The following RUFY4 variants were observed in gnomAD, a reference collection of about 807,000 sequenced individuals.
The protein encoded by RUFY4 is RUN and FYVE domain containing 4.
Under a neutral mutation model 69.0 loss-of-function variants are expected in RUFY4, and 73 were observed. The ratio of observed to expected loss-of-function variants is 1.06; its 90% CI spans 0.88 to 1.29. The LOEUF (loss-of-function observed/expected upper bound fraction) is 1.29. Ranked by LOEUF, RUFY4 falls within the 50% of genes most tolerant of loss-of-function variation. The pLI is 0.00. For missense variants in RUFY4, 770 were observed against 705.6 expected (o/e 1.09, Z -1.03); for synonymous variants, 287 against 271.8 (o/e 1.06, Z -0.55).
At chr2:218,076,696 C>G (rs1689641092) in intron 8 of RUFY4, among the ~76,000 whole-genome samples, 163 bp downstream of exon 10, 1 of 152,182 alleles carries the variant, frequency 6.6e-6, no homozygotes, top group Admixed American at 6.5e-5. Context: ...GCTCCTGATC[C>G]CAGGGCTCCA....
At chr2:218,045,033 A>G (rs1688794585) in intron 2 of RUFY4, among the ~76,000 whole-genome samples, 1 of 152,186 alleles carries the variant, frequency 6.6e-6, no homozygotes, top group Non-Finnish European at 1.5e-5. Flanking sequence ...TGTCTTCCAC[A>G]TTGGTTGAAC....
chr2:218,058,492 T>G (rs903011949), intron 2 of RUFY4: 7 of 152,210 alleles, frequency 4.6e-5, no homozygotes, highest in African/African-American at 2.4e-5. Flanking sequence ...CCGTTCTTTT[T>G]CCTTAGAGTT....
chr2:218,063,448 C>A (rs1438141511), intron 3 of RUFY4, among the ~76,000 whole-genome samples: 2 of 152,214 alleles, frequency 1.3e-5, no homozygotes, highest in African/African-American at 4.8e-5. Flanking sequence ...GGGGCAGCTG[C>A]TTTGAAAAAC....
chr2:218,060,552 G>C (rs766020974), intron 3 of RUFY4: 1 of 1,303,724 alleles, frequency 7.7e-7, no homozygotes, highest in African/African-American at 1.4e-5. Context: ...GGTTGATGTC[G>C]TTGCGGCGCT....
At chr2:218,042,816 A>C (rs1688733044) in intron 2 of RUFY4, among the ~76,000 whole-genome samples, 1 of 152,266 alleles carries the variant, frequency 6.6e-6, no homozygotes, top group African/African-American at 2.4e-5. Flanking sequence ...ACTTCAAAAA[A>C]AAATGAACAG....
intron 10 of RUFY4, 71 bp downstream of exon 12, chr2:218,089,433 C>T (rs1219726616): frequency 1.8e-5 from 24 of 1,328,310 alleles, no homozygotes; most frequent in Non-Finnish European, 2.3e-5. Flanking sequence ...CCCCACCCAC[C>T]CCAGGGAAGG....
At chr2:218,046,271 TAG>T (rs915429232) in intron 2 of RUFY4, among the ~76,000 whole-genome samples, 2 of 152,052 alleles carry the variant, frequency 1.3e-5, no homozygotes, top group Non-Finnish European at 2.9e-5. Context: ...TGGACAGTGC[TAG>T]AGACACTAGA....
chr2:218,060,515 C>T, intron 3 of RUFY4: 2 of 1,313,714 alleles, frequency 1.5e-6, no homozygotes, highest in Non-Finnish European at 1.1e-6. Flanking sequence ...TGAAGGATGC[C>T]CAGAATCTCA....
chr2:218,084,626 C>T (rs546977960), intron 9 of RUFY4, among the ~76,000 whole-genome samples: 1 of 152,136 alleles, frequency 6.6e-6, no homozygotes, highest in African/African-American at 2.4e-5. Flanking sequence ...ATAGTTCCTC[C>T]AAAGAATTTA....
intron 10 of RUFY4, 118 bp from the exon 13 acceptor site, chr2:218,089,834 A>T (rs780062534): frequency 2.6e-6 from 2 of 778,214 alleles, no homozygotes; most frequent in African/African-American, 3.4e-5. Flanking sequence ...CCACTGGGAG[A>T]TGAGAAACAG....
chr2:218,090,232 C>G lies in RUFY4; in HGVS notation c.*178C>G, dbSNP rs1690000572. On this transcript the variant is annotated 3_prime_UTR_variant, in exon 11 of 11. Transcript: ENST00000344321. ...GTAGGGTGTGGGGAGTGGTTCCAGC[C>G]CTGCAACTACCACAACGAGCCAGGT... 3 of 379,058 alleles carry G rather than the reference C, an allele frequency of 7.9e-6. No homozygotes were observed. In the Admixed American group the frequency reaches 1.1e-4, roughly 14 times the overall value. 23.5% of individuals were successfully genotyped at this position (379,058 alleles called of 1,614,324 possible). A position where few individuals can be genotyped will look rare whatever the true frequency, so the allele number is the denominator to read the frequency against.
intron 10 of RUFY4, chr2:218,089,598 C>A (rs1170575126): frequency 1.5e-6 from 1 of 680,422 alleles, no homozygotes; most frequent in African/African-American, 1.8e-5. Flanking sequence ...GGGTCCCCCT[C>A]CAAGAGCCGA....
exon 7 of RUFY4, chr2:218,075,167 A>G (rs1167137262): frequency 6.4e-7 from 1 of 1,556,612 alleles, no homozygotes; most frequent in East Asian, 2.4e-5. Context: ...TCTGTCTGCA[A>G]GATGCACCCA....
At chr2:218,086,471 A>G (rs142988689) in intron 9 of RUFY4, among the ~76,000 whole-genome samples, 181 of 152,358 alleles carry the variant, frequency 1.2e-3, no homozygotes, top group Middle Eastern at 0.01. Context: ...CAGATCACCT[A>G]TAAAAGAAGT....
intron 3 of RUFY4, chr2:218,060,512 T>G (rs1689157003): frequency 7.6e-7 from 1 of 1,312,168 alleles, no homozygotes; most frequent in Admixed American, 1.7e-5. Flanking sequence ...CTGTGAAGGA[T>G]GCCCAGAATC....
At chr2:218,040,878 C>T (rs1382669717) in intron 2 of RUFY4, among the ~76,000 whole-genome samples, 1 of 152,012 alleles carries the variant, frequency 6.6e-6, no homozygotes, top group Non-Finnish European at 1.5e-5. Flanking sequence ...TACGAGACCC[C>T]ACTCAAGGTC....
intron 2 of RUFY4, among the ~76,000 whole-genome samples, chr2:218,039,272 A>G (rs1041493031): frequency 4.6e-5 from 7 of 152,178 alleles, no homozygotes; most frequent in African/African-American, 1.7e-4. Flanking sequence ...TTACACTACC[A>G]TTAGAGGATG....
intron 4 of RUFY4, 130 bp from the exon 7 acceptor site, chr2:218,073,113 T>TG (rs1017033797): frequency 9.0e-5 from 110 of 1,222,560 alleles, no homozygotes; most frequent in Non-Finnish European, 1.2e-4. Context: ...CAACTCTGCC[T>TG]GGGGAACAGC....
intron 3 of RUFY4, chr2:218,060,864 G>C (rs772611053): frequency 1.4e-4 from 211 of 1,459,004 alleles, no homozygotes; most frequent in Admixed American, 1.8e-4. Context: ...TGGGTAGAAG[G>C]TCCTTCGGAA....
Sources: gnomAD v4.1 joint callset for allele counts (sites outside exome capture counted in the v4.1 genomes callset) on GRCh38, gnomAD v4.1.1 for gene constraint, MANE v1.5 for transcripts, NCBI Gene and HGNC (gene_info 2026-07-23, HGNC 2026-07-21) for gene names.